GRIN2A: variants seen among roughly 807,000 people sequenced by gnomAD.
The protein encoded by GRIN2A is glutamate ionotropic receptor NMDA type subunit 2A, also known as glutamate receptor ionotropic, NMDA 2A.
In GRIN2A, 22 loss-of-function variants were observed where a neutral mutation model predicts 113.4. That is an observed-to-expected ratio of 0.19 (90% confidence interval 0.14 to 0.28). The LOEUF (loss-of-function observed/expected upper bound fraction) is 0.28. Among genes scored for constraint, GRIN2A ranks in the 10% least tolerant of loss-of-function variants. GRIN2A has a pLI of 1.00. For missense variants in GRIN2A, 1,502 were observed against 1,887.0 expected (o/e 0.80, Z 3.78); for synonymous variants, 827 against 738.4 (o/e 1.12, Z -1.94).
At position 9,837,132 on chromosome 16, in the gene GRIN2A, G is replaced by C. The variant is rs116992480; in HGVS notation, c.1652-2902C>G. Reference sequence around the variant, plus strand: ...TTGGCTCTTCCAGATGACTAAGCCAGTGAATGGAAAAATGTAGCTTAGCTG... The same window carrying C: ...TTGGCTCTTCCAGATGACTAAGCCACTGAATGGAAAAATGTAGCTTAGCTG... On this transcript the variant is annotated intron_variant, in intron 7 of 12. Coordinates refer to ENST00000330684, the MANE Select transcript of GRIN2A (RefSeq NM_001134407.3). Among the ~76,000 whole-genome samples the C allele has an allele frequency of 2.0e-3, 310 of 152,328 alleles. 1 individual carries two copies. Among genetic ancestry groups the C allele is most frequent in the Admixed American group, 3.3e-3 (51 of 15,290 alleles).
intron 10 of GRIN2A, among the ~76,000 whole-genome samples, chr16:9,798,887 C>T (rs1903175723): frequency 6.6e-6 from 1 of 152,042 alleles, no homozygotes; most frequent in South Asian, 2.1e-4. Context: ...ATTTTTTCCT[C>T]CCAAAAGAAA....
At chr16:9,875,657 T>C (rs1192474824) in intron 4 of GRIN2A, among the ~76,000 whole-genome samples, 3 of 152,166 alleles carry the variant, frequency 2.0e-5, no homozygotes, top group Non-Finnish European at 4.4e-5. Context: ...TGAGCTCCAG[T>C]AATTGTGGGT....
At chr16:9,931,088 C>CT (rs1375505845) in intron 3 of GRIN2A, among the ~76,000 whole-genome samples, 3 of 152,160 alleles carry the variant, frequency 2.0e-5, no homozygotes, top group East Asian at 3.9e-4. Context: ...TGGGATAAGA[C>CT]TTTTTTTGCC....
At chr16:10,008,828 A>G (rs1294014419) in intron 2 of GRIN2A, among the ~76,000 whole-genome samples, 1 of 152,234 alleles carries the variant, frequency 6.6e-6, no homozygotes, top group East Asian at 1.9e-4. Flanking sequence ...AACAAATAAT[A>G]ATTTGAAAAA....
intron 2 of GRIN2A, among the ~76,000 whole-genome samples, chr16:9,949,477 G>A (rs78848609): frequency 0.016 from 2,396 of 151,848 alleles, 33 homozygotes; most frequent in Non-Finnish European, 0.023. Flanking sequence ...ATGGACAGAT[G>A]AGTGGATAGA....
chr16:10,034,376 A>G (rs2046985104), intron 2 of GRIN2A, among the ~76,000 whole-genome samples: 1 of 151,712 alleles, frequency 6.6e-6, no homozygotes, highest in Admixed American at 6.6e-5. Flanking sequence ...AATCCAAAAA[A>G]TTAGCCGGAA....
intron 2 of GRIN2A, among the ~76,000 whole-genome samples, chr16:10,075,780 C>T (rs1173245887): frequency 1.3e-5 from 2 of 152,258 alleles, no homozygotes; most frequent in Admixed American, 1.3e-4. Flanking sequence ...GAAGGACATT[C>T]ATCTCGTCAA....
intron 2 of GRIN2A, among the ~76,000 whole-genome samples, chr16:10,001,258 C>G (rs2046314920): frequency 6.6e-6 from 1 of 152,126 alleles, no homozygotes; most frequent in Admixed American, 6.6e-5. Flanking sequence ...AGAAATGGCA[C>G]CAATATTGGA....
chr16:10,032,517 G>C lies in GRIN2A; in HGVS notation c.415-93966C>G, dbSNP rs2046948750. ...TTGAATCTTCTCATCAAAACAGCCA[G>C]ACATTTACCATGTGTTCCAAGTGCT... On this transcript the variant is annotated intron_variant, in intron 2 of 12. Coordinates refer to ENST00000330684, the MANE Select transcript of GRIN2A (RefSeq NM_001134407.3). Among the ~76,000 whole-genome samples the C allele has an allele frequency of 7.2e-5, 11 of 152,088 alleles. No homozygotes were observed. The South Asian group carries it at 2.3e-3, about 32-fold the overall frequency.
chr16:9,840,620 G>C lies in GRIN2A; in HGVS notation c.1651+27C>G, dbSNP rs1176018279. On this transcript the variant is annotated intron_variant, in intron 7 of 12. Coordinates refer to ENST00000330684, the MANE Select transcript of GRIN2A (RefSeq NM_001134407.3). Reference sequence around the variant, plus strand: ...ATTTCCTACAATTCCTTATAGGAAAGCAATAGTCACTATGAAATTCACACA... The same window carrying C: ...ATTTCCTACAATTCCTTATAGGAAACCAATAGTCACTATGAAATTCACACA... 5 of 1,600,608 alleles carry C rather than the reference G, an allele frequency of 3.1e-6. No individual in the cohort carries two copies. The Admixed American group carries it at 6.7e-5, about 21-fold the overall frequency.
At chr16:10,076,837 A>G (rs976073232) in intron 2 of GRIN2A, among the ~76,000 whole-genome samples, 2 of 152,240 alleles carry the variant, frequency 1.3e-5, no homozygotes, top group African/African-American at 4.8e-5. Context: ...TGTGTGTAGT[A>G]GGCAGAGCAC....
intron 2 of GRIN2A, among the ~76,000 whole-genome samples, chr16:10,011,656 G>C (rs1266244881): frequency 6.6e-6 from 1 of 152,118 alleles, no homozygotes; most frequent in Non-Finnish European, 1.5e-5. Context: ...TTTTTGCAGA[G>C]CACCCTTGAA....
At chr16:10,077,821 G>C (rs2047904177) in intron 2 of GRIN2A, among the ~76,000 whole-genome samples, 2 of 152,106 alleles carry the variant, frequency 1.3e-5, no homozygotes, top group African/African-American at 2.4e-5. Context: ...TCCCTTTGAA[G>C]CCTCTTTAGG....
At chr16:9,848,768 ACT>A (rs1286933996) in intron 5 of GRIN2A, among the ~76,000 whole-genome samples, 3 of 118,682 alleles carry the variant, frequency 2.5e-5, no homozygotes, top group Non-Finnish European at 4.9e-5. Context: ...TATAAAATAC[ACT>A]GTTTTATATA....
At chr16:9,919,467 T>G (rs375412596) in intron 3 of GRIN2A, among the ~76,000 whole-genome samples, 17 of 152,142 alleles carry the variant, frequency 1.1e-4, no homozygotes, top group South Asian at 4.1e-4. Context: ...ATGCATGGGA[T>G]TATTCTGATT....
At chr16:9,797,038 TAGAA>T (rs2141226367) in intron 11 of GRIN2A, among the ~76,000 whole-genome samples, 1 of 152,352 alleles carries the variant, frequency 6.6e-6, no homozygotes, top group African/African-American at 2.4e-5. Context: ...ACTCTGTGAA[TAGAA>T]AGAAGATAAG....
At chr16:10,002,905 A>G (rs1188839119) in intron 2 of GRIN2A, among the ~76,000 whole-genome samples, 1 of 152,194 alleles carries the variant, frequency 6.6e-6, no homozygotes, top group Non-Finnish European at 1.5e-5. Flanking sequence ...CTTTAGGAGA[A>G]AGGCAATTTT....
chr16:10,033,393 T>C (rs2046965749), intron 2 of GRIN2A, among the ~76,000 whole-genome samples: 1 of 151,898 alleles, frequency 6.6e-6, no homozygotes, highest in Non-Finnish European at 1.5e-5. Flanking sequence ...CCTGGAGGGG[T>C]AGACAGACAC....
chr16:10,120,423 C>A (rs891040519), intron 2 of GRIN2A, among the ~76,000 whole-genome samples: 1 of 152,168 alleles, frequency 6.6e-6, no homozygotes, highest in African/African-American at 2.4e-5. Context: ...CCAACTTGAC[C>A]AATTAATCAT....
Sources: gnomAD v4.1 joint callset for allele counts (sites outside exome capture counted in the v4.1 genomes callset) on GRCh38, gnomAD v4.1.1 for gene constraint, MANE v1.5 for transcripts, NCBI Gene and HGNC (gene_info 2026-07-23, HGNC 2026-07-21) for gene names.